Variants in PRAMEF25 observed in about 807,000 individuals in gnomAD.
PRAMEF25 encodes putative PRAME family member 25.
intron 1 of PRAMEF25, chr1:13,071,554 G>T (rs1423453969): frequency 1.3e-5 from 1 of 76,450 alleles, no homozygotes; most frequent in African/African-American, 6.2e-5. Context: ...CTGGTGCTCG[G>T]CCTCTACTTT....
At chr1:13,071,223 T>G in intron 1 of PRAMEF25, 1 of 77,134 alleles carries the variant, frequency 1.3e-5, no homozygotes, top group Non-Finnish European at 2.9e-5. Context: ...CTGGGCAACA[T>G]GACAAAAACC....
intron 1 of PRAMEF25, chr1:13,071,438 AG>A (rs1376422347): frequency 1.1e-5 from 1 of 93,442 alleles, no homozygotes; most frequent in Admixed American, 1.3e-4. Context: ...TATTTTTAGT[AG>A]GGGCGGGGGT....
At chr1:13,070,997 G>A (rs1454105231) in intron 1 of PRAMEF25, 90 bp downstream of exon 1, 2 of 126,074 alleles carry the variant, frequency 1.6e-5, no homozygotes, top group Admixed American at 8.9e-5. Context: ...ATGGCACAGA[G>A]CTATATCCTG....
chr1:13,070,986 G>A (rs1642342483), intron 1 of PRAMEF25, 79 bp downstream of exon 1: 1 of 124,770 alleles, frequency 8.0e-6, no homozygotes, highest in African/African-American at 2.6e-5. Context: ...TGCAGCCTAC[G>A]ATGGCACAGA....
intron 1 of PRAMEF25, 183 bp downstream of exon 1, chr1:13,071,090 G>T (rs1642344567): frequency 7.2e-6 from 1 of 138,422 alleles, no homozygotes; most frequent in Admixed American, 7.7e-5. Context: ...CAAAAAAGTT[G>T]ATTGTGCTTT....
chr1:13,071,561 CT>C lies in PRAMEF25; in HGVS notation c.-17+666del, dbSNP rs1378927219. The C allele has an allele frequency of 8.7e-4, 54 of 61,854 alleles. 3 individuals carry two copies. Among genetic ancestry groups the C allele is most frequent in the South Asian group, 3.4e-3 (5 of 1,474 alleles). 3.8% of individuals were successfully genotyped at this position (61,854 alleles called of 1,614,324 possible). On this transcript the variant is annotated intron_variant, in intron 1 of 3. Transcript: ENST00000619661. The stretch of plus-strand genomic sequence containing the variant: ...ATGAGCCACTGGTGCTCGGCCTCTA[CT>C]TTTTTTTTTTTAATTAGCTAGGCAT...
In PRAMEF25 at chr1:13,071,573, T is replaced by TA. The variant is rs1642352196; in HGVS notation, c.-17+668dup. 3.1e-5 allele frequency: 2 copies of TA among 65,354 alleles called. 1 individual carries two copies. Among genetic ancestry groups the TA allele is most frequent in the African/African-American group, 1.9e-4 (2 of 10,640 alleles). The allele number at this position is 65,354 out of a possible 1,614,324, so 4.0% of individuals were successfully genotyped here. A position where few individuals can be genotyped will look rare whatever the true frequency, so the allele number is the denominator to read the frequency against. On this transcript the variant is annotated intron_variant, in intron 1 of 3. Coordinates refer to ENST00000619661, the Ensembl canonical transcript of PRAMEF25. ...TGCTCGGCCTCTACTTTTTTTTTTT[T>TA]AATTAGCTAGGCATGGTGGCATGCA...
At chr1:13,071,080 C>T (rs1308612360) in intron 1 of PRAMEF25, 173 bp downstream of exon 1, 1 of 138,612 alleles carries the variant, frequency 7.2e-6, no homozygotes, top group African/African-American at 2.5e-5. Flanking sequence ...GTCTTTATTT[C>T]AAAAAAGTTG....
chr1:13,071,183 A>T (rs1286221100), intron 1 of PRAMEF25: 1 of 111,244 alleles, frequency 9.0e-6, no homozygotes, highest in Non-Finnish European at 2.0e-5. Context: ...AAGTGGGAGG[A>T]TCATTTCAGC....
chr1:13,071,149 TAACCCCAACACTTTGGGAGGCCA>T lies in PRAMEF25; in HGVS notation c.-17+245_-17+267del, dbSNP rs1642345050. The T allele has an allele frequency of 2.3e-5, 3 of 133,282 alleles. No individual in the cohort carries two copies. In the South Asian group the frequency reaches 7.8e-4, roughly 34 times the overall value. 8.3% of individuals were successfully genotyped at this position (133,282 alleles called of 1,614,324 possible). On this transcript the variant is annotated intron_variant, in intron 1 of 3. Transcript: ENST00000619661. ...TGAAGGGAGCAGTGACTCATGCCTTTAACCCCAACACTTTGGGAGGCCAAAGTGGGAGGATCATTTCAGCCCAG... is the reference window on the plus strand; with the variant it reads ...TGAAGGGAGCAGTGACTCATGCCTTTAAGTGGGAGGATCATTTCAGCCCAG...
chr1:13,071,614 A>C (rs1642352358), intron 1 of PRAMEF25: 1 of 56,088 alleles, frequency 1.8e-5, no homozygotes, highest in Non-Finnish European at 3.0e-5. Flanking sequence ...AGCCCCAGCT[A>C]TTTGGGTGGC....
Position 13,070,969 on chromosome 1 carries a change from G to T in PRAMEF25, c.-17+62G>T, listed in dbSNP as rs1257682021. On this transcript the variant is annotated intron_variant, in intron 1 of 3. Coordinates refer to ENST00000619661, the Ensembl canonical transcript of PRAMEF25. Reference sequence around the variant, plus strand: ...ACCTACAGTCAGCTGGTCTGGGATGGTGACAGTGCAGCCTACGATGGCACA... The same window carrying T: ...ACCTACAGTCAGCTGGTCTGGGATGTTGACAGTGCAGCCTACGATGGCACA... 2.4e-5 allele frequency: 3 copies of T among 123,712 alleles called. 1 individual carries two copies. The highest frequency in any genetic ancestry group is 3.7e-5 in the Non-Finnish European group (2 of 54,070). The allele number at this position is 123,712 out of a possible 1,614,324, so 7.7% of individuals were successfully genotyped here.
intron 3 of PRAMEF25, chr1:13,076,334 G>A (rs1285925274): frequency 6.0e-5 from 1 of 16,736 alleles, no homozygotes; most frequent in Admixed American, 6.3e-4. Context: ...GATGTTGCAG[G>A]ATCCTGTCTG....
chr1:13,077,532 G>A, exon 4 of PRAMEF25: 1 of 202,274 alleles, frequency 4.9e-6, no homozygotes, highest in Non-Finnish European at 8.2e-6. Flanking sequence ...TGACCTGGAG[G>A]CAGATCAATA....
intron 1 of PRAMEF25, chr1:13,071,228 A>T (rs1239822005): frequency 1.2e-5 from 1 of 81,060 alleles, no homozygotes; most frequent in Admixed American, 1.6e-4. Flanking sequence ...CAACATGACA[A>T]AAACCCTCCT....
chr1:13,076,486 T>C, intron 3 of PRAMEF25: 1 of 121,854 alleles, frequency 8.2e-6, no homozygotes, highest in Non-Finnish European at 1.4e-5. Context: ...TGACTCAGCC[T>C]CAAATGGAAT....
intron 1 of PRAMEF25, 47 bp downstream of exon 1, chr1:13,070,954 AGCTG>A (rs1642342226): frequency 8.1e-6 from 1 of 123,892 alleles, no homozygotes; most frequent in Non-Finnish European, 1.8e-5. Context: ...ACCTACAGTC[AGCTG>A]GTCTGGGATG....
Position 13,077,394 on chromosome 1 carries a change from ACT to A in PRAMEF25, c.1284_1285del (p.Cys429LeufsTer8). 1 of 430,962 alleles carries A rather than the reference ACT, an allele frequency of 2.3e-6. No individual in the cohort carries two copies. Among genetic ancestry groups the A allele is most frequent in the Non-Finnish European group, 3.8e-6 (1 of 262,070 alleles). 26.7% of individuals were successfully genotyped at this position (430,962 alleles called of 1,614,324 possible). A position where few individuals can be genotyped will look rare whatever the true frequency, so the allele number is the denominator to read the frequency against. ...ACGGGAGAGTTATGGTGCTGATGGTACTCTCTGCTGGAGCAGATTTACTCAGA... is the reference window on the plus strand; with the variant it reads ...ACGGGAGAGTTATGGTGCTGATGGTACTCTGCTGGAGCAGATTTACTCAGA... On this transcript the variant is annotated frameshift_variant, in exon 4 of 4. Transcript: ENST00000619661. LOFTEE classifies it high-confidence loss of function.
At chr1:13,076,598 G>A (rs1179080454) in intron 3 of PRAMEF25, 3 of 198,066 alleles carry the variant, frequency 1.5e-5, no homozygotes, top group Non-Finnish European at 2.6e-5. Context: ...CACCTCCTGG[G>A]TTCAAGCGAT....
Sources: gnomAD v4.1 joint callset for allele counts on GRCh38, gnomAD v4.1.1 for gene constraint, MANE v1.5 for transcripts, NCBI Gene and HGNC (gene_info 2026-07-23, HGNC 2026-07-21) for gene names.